USO1: variants seen among roughly 807,000 people sequenced by gnomAD.
USO1 encodes the protein USO1 vesicle transport factor.
Under a neutral mutation model 124.5 loss-of-function variants are expected in USO1, and 57 were observed. The ratio of observed to expected loss-of-function variants is 0.46; its 90% CI spans 0.37 to 0.57. USO1 has a LOEUF of 0.57. USO1 is among the 20% of genes least tolerant of loss of function. The pLI, the probability that USO1 is intolerant of heterozygous loss-of-function variation, is 0.00. For synonymous variants in USO1, 369 were observed against 362.8 expected, an observed-to-expected ratio of 1.02 and a Z score of -0.19; for missense variants, 900 against 1,040.6, an observed-to-expected ratio of 0.86 and a Z score of 1.86.
intron 8 of USO1, among the ~76,000 whole-genome samples, chr4:75,778,305 A>G (rs1286666057): frequency 6.6e-6 from 1 of 152,206 alleles, no homozygotes; most frequent in Non-Finnish European, 1.5e-5. Flanking sequence ...TTACAGTAAA[A>G]TAAGGTAGAA....
At chr4:75,791,605 A>G (rs1306491530) in intron 12 of USO1, among the ~76,000 whole-genome samples, 1 of 152,226 alleles carries the variant, frequency 6.6e-6, no homozygotes. Flanking sequence ...AGTATAGGTT[A>G]GAGTCATTAC....
chr4:75,735,555 CTGT>C (rs1720765805), intron 1 of USO1, among the ~76,000 whole-genome samples: 1 of 152,112 alleles, frequency 6.6e-6, no homozygotes. Flanking sequence ...GGGTCTCACT[CTGT>C]TGAACAGGCT....
At chr4:75,749,362 A>AAGATT (rs1721230719) in intron 1 of USO1, among the ~76,000 whole-genome samples, 1 of 152,120 alleles carries the variant, frequency 6.6e-6, no homozygotes, top group Non-Finnish European at 1.5e-5. Flanking sequence ...ATCTTAATGT[A>AAGATT]CAGAATCTTT....
intron 13 of USO1, among the ~76,000 whole-genome samples, chr4:75,799,014 G>A (rs1234448666): frequency 1.3e-5 from 2 of 151,996 alleles, no homozygotes; most frequent in Non-Finnish European, 2.9e-5. Flanking sequence ...TGGTTTGGGG[G>A]CACTTGGCTA....
rs1027082339 is a variant in USO1, at chr4:75,804,372, A to G, written c.2125+100A>G. ...TCTTTCTGTGGACTAGTATTTTTCTAACCTTAATCATGGTGACAAAAATGT... is the reference window on the plus strand; with the variant it reads ...TCTTTCTGTGGACTAGTATTTTTCTGACCTTAATCATGGTGACAAAAATGT... On this transcript the variant is annotated intron_variant, in intron 18 of 23. Coordinates refer to ENST00000514213, the MANE Select transcript of USO1 (RefSeq NM_003715.4). 3.5e-6 allele frequency: 5 copies of G among 1,427,894 alleles called. No homozygotes were observed. The African/African-American group carries it at 5.8e-5, about 17-fold the overall frequency. The allele number at this position is 1,427,894 out of a possible 1,614,324, so 88.5% of individuals were successfully genotyped here. A position where few individuals can be genotyped will look rare whatever the true frequency, so the allele number is the denominator to read the frequency against.
chr4:75,747,926 A>C (rs1180889135), intron 1 of USO1, among the ~76,000 whole-genome samples: 1 of 39,652 alleles, frequency 2.5e-5, no homozygotes, highest in Non-Finnish European at 4.7e-5. Flanking sequence ...TTTTTTTTTG[A>C]GACAGAGTTT....
At chr4:75,782,948 A>G in intron 9 of USO1, 90 bp downstream of exon 9, 2 of 1,429,774 alleles carry the variant, frequency 1.4e-6, no homozygotes, top group Non-Finnish European at 1.8e-6. Flanking sequence ...TAAATCCAGA[A>G]TATTTGATGG....
chr4:75,800,386 A>G lies in USO1; in HGVS notation c.1599A>G (p.Glu533=), dbSNP rs781404879. The G allele has an allele frequency of 2.5e-6, 4 of 1,599,654 alleles. No homozygotes were observed. The highest frequency in any genetic ancestry group is 8.5e-7 in the Non-Finnish European group (1 of 1,172,542). Residue 533 remains glutamate, a synonymous_variant, in exon 15 of 24, where the codon GAA becomes GAG. Transcript: ENST00000514213. ...AAATTGCAGAAAATCTTGGAGAAGA[A>G]GAGCAGTTGGTCCAAGGCTTATGTG... ...TGQIAENLGE[E]EQLVQGLCAL...
In USO1 at chr4:75,809,051, T is replaced by G; in HGVS notation, c.2475T>G (p.Phe825Leu). The G allele has an allele frequency of 1.3e-6, 2 of 1,581,662 alleles. No homozygotes were observed. The highest frequency in any genetic ancestry group is 1.7e-6 in the Non-Finnish European group (2 of 1,165,698). The change falls in exon 21 of 24, where the codon TTT becomes TTG. Residue 825 changes from phenylalanine (F) to leucine (L), a missense_variant and splice_region_variant. By Grantham distance (22) the Phe-to-Leu change is conservative. Transcript: ENST00000514213. ...KQELLQKTEA[F>L]AKSVEVQGET... ...AACTGTTACAGAAAACAGAAGCGTTTGTAAGTATTTTCTCTTTTTTCTCTG... is the reference window on the plus strand; with the variant it reads ...AACTGTTACAGAAAACAGAAGCGTTGGTAAGTATTTTCTCTTTTTTCTCTG...
In USO1 at chr4:75,770,910, T is replaced by C; in HGVS notation, c.485T>C (p.Leu162Ser). ...QLGPQVQQII[L>S]VSPMGVSRLM... ...GGGCCTCAGGTGCAACAAATTATTTTAGTCAGTCCTATGGGTAAGTGACTT... is the reference window on the plus strand; with the variant it reads ...GGGCCTCAGGTGCAACAAATTATTTCAGTCAGTCCTATGGGTAAGTGACTT... Residue 162 changes from leucine to serine, a missense_variant, in exon 6 of 24, where the codon TTA becomes TCA. Around this residue, in one of 2 missense-constraint regions of USO1, gnomAD observed 538 missense variants for 681.6 expected, o/e 0.79. Coordinates refer to ENST00000514213, the MANE Select transcript of USO1 (RefSeq NM_003715.4). 6.2e-7 allele frequency: 1 copy of C among 1,613,442 alleles called. No homozygotes were observed. The highest frequency in any genetic ancestry group is 8.5e-7 in the Non-Finnish European group (1 of 1,179,710).
At chr4:75,769,739 T>C (rs141271828) in intron 4 of USO1, among the ~76,000 whole-genome samples, 1 of 110,024 alleles carries the variant, frequency 9.1e-6, no homozygotes, top group African/African-American at 2.7e-5. Context: ...TTTTTAGTGA[T>C]CTTTTTTTTT....
intron 9 of USO1, among the ~76,000 whole-genome samples, chr4:75,784,259 A>G (rs978655418): frequency 1.3e-5 from 2 of 152,124 alleles, no homozygotes; most frequent in Non-Finnish European, 2.9e-5. Flanking sequence ...AGCTCAAGCA[A>G]TTCTCCTGCC....
Position 75,757,588 on chromosome 4 carries a change from AT to A in USO1, c.295+20del. On this transcript the variant is annotated intron_variant, in intron 4 of 23. Coordinates refer to ENST00000514213, the MANE Select transcript of USO1 (RefSeq NM_003715.4). The stretch of plus-strand genomic sequence containing the variant: ...AGAAGAAGTAGGTAAGTTTCCAGTT[AT>A]TTTTACTGTGTTTTCTGTACTTAAA... 1 of 1,473,682 alleles carries A rather than the reference AT, an allele frequency of 6.8e-7. No individual in the cohort carries two copies. The highest frequency in any genetic ancestry group is 2.5e-5 in the Admixed American group (1 of 39,694). The allele number at this position is 1,473,682 out of a possible 1,614,324, so 91.3% of individuals were successfully genotyped here. A position where few individuals can be genotyped will look rare whatever the true frequency, so the allele number is the denominator to read the frequency against.
Position 75,812,416 on chromosome 4 carries a change from T to C in USO1, c.2799+41T>C, listed in dbSNP as rs1225094003. ...CTCCAAAAATGATTTGTATTATGTTTTAGTATAATGCATTTAAAAGATTTT... is the reference window on the plus strand; with the variant it reads ...CTCCAAAAATGATTTGTATTATGTTCTAGTATAATGCATTTAAAAGATTTT... On this transcript the variant is annotated intron_variant, in intron 23 of 23. Coordinates refer to ENST00000514213, the MANE Select transcript of USO1 (RefSeq NM_003715.4). The C allele has an allele frequency of 2.0e-6, 3 of 1,525,534 alleles. No homozygotes were observed. In the Admixed American group the frequency reaches 7.2e-5, roughly 37 times the overall value. The allele number at this position is 1,525,534 out of a possible 1,614,324, so 94.5% of individuals were successfully genotyped here.
intron 1 of USO1, chr4:75,744,887 G>A (rs766591601): frequency 3.0e-5 from 15 of 505,996 alleles, no homozygotes; most frequent in South Asian, 2.0e-4. Flanking sequence ...TACTGTACTT[G>A]TGATGGTACA....
chr4:75,782,440 TAAAC>T (rs1232261118), intron 8 of USO1, among the ~76,000 whole-genome samples: 1 of 152,186 alleles, frequency 6.6e-6, no homozygotes, highest in East Asian at 1.9e-4. Context: ...GATTTGAAGA[TAAAC>T]AATGAGTTAC....
intron 1 of USO1, among the ~76,000 whole-genome samples, chr4:75,751,557 G>GC (rs1721298017): frequency 6.7e-6 from 1 of 148,396 alleles, no homozygotes; most frequent in African/African-American, 2.5e-5. Context: ...TTGGCCGGGC[G>GC]CAGTGGCTCA....
intron 17 of USO1, among the ~76,000 whole-genome samples, chr4:75,803,813 C>G (rs538383178): frequency 6.6e-6 from 1 of 151,742 alleles, no homozygotes; most frequent in South Asian, 2.1e-4. Flanking sequence ...TACTAAATTT[C>G]TTAAATAGTT....
chr4:75,779,033 A>T (rs753549264), intron 8 of USO1, among the ~76,000 whole-genome samples: 2 of 152,166 alleles, frequency 1.3e-5, no homozygotes, highest in Non-Finnish European at 2.9e-5. Flanking sequence ...TTTCATTATT[A>T]TATCTGTTAT....
Sources: allele counts gnomAD v4.1 joint callset (sites outside exome capture counted in the v4.1 genomes callset), GRCh38; gene constraint gnomAD v4.1.1; regional missense constraint gnomAD v4.1.1; transcripts MANE v1.5; gene names NCBI Gene and HGNC (gene_info 2026-07-23, HGNC 2026-07-21).